Variants in ACAN observed in about 807,000 individuals in gnomAD.
The protein encoded by ACAN is aggrecan, also known as aggrecan core protein.
A neutral mutation model predicts 169.1 loss-of-function variants in ACAN; 47 were observed. The ratio of observed to expected loss-of-function variants is 0.28; its 90% CI spans 0.22 to 0.35. The LOEUF is 0.35. ACAN is among the 10% of genes least tolerant of loss of function. ACAN has a pLI of 1.00. For synonymous variants in ACAN, 1,115 were observed against 1,112.2 expected (o/e 1.00, Z -0.05); for missense variants, 2,716 against 2,759.9 (o/e 0.98, Z 0.36).
At position 88,847,977 on chromosome 15, in the gene ACAN, C is replaced by G; in HGVS notation, c.1671C>G (p.Thr557=). ...AGGACAGCAGCCCAGGGGTCAGGAC[C>G]TATGGCGTGCGCCCATCAACAGAGA... The part of the protein sequence containing the change: ...GDKDSSPGVR[T]YGVRPSTETY... Residue 557 remains threonine (T), a synonymous_variant, in exon 9 of 19, where the codon ACC becomes ACG. Transcript: ENST00000560601. 1 of 1,614,052 alleles carries G rather than the reference C, an allele frequency of 6.2e-7. No individual in the cohort carries two copies. Among genetic ancestry groups the G allele is most frequent in the Non-Finnish European group, 8.5e-7 (1 of 1,179,896 alleles).
rs779369587 is a variant in ACAN at position 88,857,831 on chromosome 15, C to T, written c.5246C>T (p.Thr1749Ile). ...PSGFPDTSGE[T>I]SGVTELSGLS... ...GGGTTTCCTGACACTAGTGGGGAAA[C>T]ATCTGGAGTGACTGAGCTTAGCGGG... is the stretch of plus-strand genomic sequence containing the variant. Residue 1749 changes from threonine to isoleucine, a missense_variant, in exon 12 of 19, where the codon ACA becomes ATA. Transcript: ENST00000560601. The T allele has an allele frequency of 4.3e-6, 7 of 1,613,920 alleles. No individual in the cohort carries two copies. Among genetic ancestry groups the T allele is most frequent in the Middle Eastern group, 1.6e-4 (1 of 6,062 alleles).
Position 88,874,648 on chromosome 15 carries a change from T to G in ACAN, c.*167T>G. Reference sequence around the variant, plus strand: ...ATTTGTGTATGCACCCACTCACCCCTCCAAATCAGCAAAACCGCATCTAAT... The same window carrying G: ...ATTTGTGTATGCACCCACTCACCCCGCCAAATCAGCAAAACCGCATCTAAT... On this transcript the variant is annotated 3_prime_UTR_variant, in exon 19 of 19. Coordinates refer to ENST00000560601, the MANE Select transcript of ACAN (RefSeq NM_001369268.1). The surrounding 1 kb of genome is among the most constrained non-coding windows in gnomAD (Gnocchi z 7.3). The G allele has an allele frequency of 1.4e-6, 1 of 724,776 alleles. No individual in the cohort carries two copies. The highest frequency in any genetic ancestry group is 2.4e-6 in the Non-Finnish European group (1 of 410,164). The allele number at this position is 724,776 out of a possible 1,614,324, so 44.9% of individuals were successfully genotyped here.
At chr15:88,830,763 C>T (rs1030757134) in intron 1 of ACAN, among the ~76,000 whole-genome samples, 18 of 152,238 alleles carry the variant, frequency 1.2e-4, no homozygotes, top group Admixed American at 2.0e-4. Context: ...TGAGTGAATG[C>T]GAAGGCCTAG....
chr15:88,872,346 G>A lies in ACAN; in HGVS notation c.7302+261G>A, dbSNP rs185158239. On this transcript the variant is annotated intron_variant, in intron 16 of 18. Coordinates refer to ENST00000560601, the MANE Select transcript of ACAN (RefSeq NM_001369268.1). The surrounding 1 kb of genome is among the most constrained non-coding windows in gnomAD (Gnocchi z 5.4). ...ACAGCCACCACCATGAGGAGTATAC[G>A]GAAGCTTTAGAGAGGTTTCTTGCCC... 4.7e-4 allele frequency among the ~76,000 whole-genome samples: 71 copies of A among 152,290 alleles called. No homozygotes were observed. Among genetic ancestry groups the A allele is most frequent in the African/African-American group, 1.5e-3 (63 of 41,564 alleles).
chr15:88,814,659 T>C lies in ACAN; in HGVS notation c.-8+10850T>C, dbSNP rs1382224987. On this transcript the variant is annotated intron_variant, in intron 1 of 18. Transcript: ENST00000560601. This position sits in a 1 kb window ranked among gnomAD's most constrained non-coding sequence, Gnocchi z 4.0. ...ATGGGAATAGCGACTCCTCGAGTTG[T>C]GCCAGTGTGCAGCCTTTGCAATTGA... is the stretch of plus-strand genomic sequence containing the variant. Among the ~76,000 whole-genome samples the C allele has an allele frequency of 2.0e-5, 3 of 152,210 alleles. No individual in the cohort carries two copies. The highest frequency in any genetic ancestry group is 7.2e-5 in the African/African-American group (3 of 41,454).
rs1356013661 is a variant in ACAN, at chr15:88,839,093, A to C, written c.454+47A>C. ...AGACGCTGCTTCACCCACATAAAGAACCAGAGCAGTCTCCGCAGTGCAGGC... is the reference window on the plus strand; with the variant it reads ...AGACGCTGCTTCACCCACATAAAGACCCAGAGCAGTCTCCGCAGTGCAGGC... On this transcript the variant is annotated intron_variant, in intron 3 of 18. Transcript: ENST00000560601. The surrounding 1 kb of genome is among the most constrained non-coding windows in gnomAD (Gnocchi z 4.5). The C allele has an allele frequency of 6.3e-7, 1 of 1,587,072 alleles. No homozygotes were observed.
Position 88,859,270 on chromosome 15 carries a change from C to A in ACAN, c.6685C>A (p.Pro2229Thr), listed in dbSNP as rs767382429. The A allele has an allele frequency of 6.2e-7, 1 of 1,613,862 alleles. No individual in the cohort carries two copies. Among genetic ancestry groups the A allele is most frequent in the Non-Finnish European group, 8.5e-7 (1 of 1,179,854 alleles). Residue 2229 changes from proline (P) to threonine (T), a missense_variant, in exon 12 of 19, where the codon CCT (proline) becomes ACT (threonine). By Grantham distance (38) the Pro-to-Thr change is conservative. Around this residue, in one of 3 missense-constraint regions of ACAN, gnomAD observed 1,389 missense variants for 1,363.7 expected, o/e 1.02. Transcript: ENST00000560601. ...TGAGTGGACCCAGCAGACCCAGCGC[C>A]CTGCAGAGACGCATCTAGAAATTGA... ...ESEWTQQTQRPAETHLEIESS... is the reference protein window; with the variant it reads ...ESEWTQQTQRTAETHLEIESS...
intron 1 of ACAN, among the ~76,000 whole-genome samples, chr15:88,828,066 A>C (rs549331109): frequency 2.6e-5 from 4 of 152,304 alleles, no homozygotes; most frequent in Non-Finnish European, 5.9e-5. Flanking sequence ...TCTGCTAATA[A>C]GTTGGTCATA....
rs1209770833 is a variant in ACAN, at chr15:88,855,072, A to G, written c.2487A>G (p.Pro829=). ...AGGAGCCATTCCCCTCCAAGGAGCC[A>G]TCCCCCTCAGAGGAACCATCAGCCT... ...PSEEPFPSKE[P]SPSEEPSASE... is the part of the protein sequence containing the mutation. The change falls in exon 12 of 19, where the codon CCA becomes CCG. Residue 829 remains proline, a synonymous_variant. Transcript: ENST00000560601. 3 of 1,583,494 alleles carry G rather than the reference A, an allele frequency of 1.9e-6. No homozygotes were observed. The South Asian group carries it at 3.5e-5, about 19-fold the overall frequency.
At position 88,871,770 on chromosome 15, in the gene ACAN, A is replaced by G. The variant is rs1324007739; in HGVS notation, c.7219+230A>G. 6.6e-6 allele frequency among the ~76,000 whole-genome samples: 1 copy of G among 152,202 alleles called. No individual in the cohort carries two copies. The highest frequency in any genetic ancestry group is 1.5e-5 in the Non-Finnish European group (1 of 68,042). ...ACCCATTGCCAGCCAGAGTCAGCCC[A>G]AGACTAAGCTATGGCTGTCACCCGT... On this transcript the variant is annotated intron_variant, in intron 15 of 18. Transcript: ENST00000560601. This position sits in a 1 kb window ranked among gnomAD's most constrained non-coding sequence, Gnocchi z 7.8.
At chr15:88,837,886 C>CTT (rs1555453564) in intron 2 of ACAN, among the ~76,000 whole-genome samples, 3 of 112,878 alleles carry the variant, frequency 2.7e-5, no homozygotes, top group African/African-American at 9.9e-5. Context: ...ATGAAAGGTG[C>CTT]TTTTTTTTTT....
rs1476876997 is a variant in ACAN at position 88,874,383 on chromosome 15, T to C, written c.7631-22T>C. 3 of 1,580,658 alleles carry C rather than the reference T, an allele frequency of 1.9e-6. No homozygotes were observed. The South Asian group carries it at 3.5e-5, about 18-fold the overall frequency. Reference sequence around the variant, plus strand: ...TTTCTTTCCAGGTCCACTGATATCTTTCCATCTCCCTTTCGTCCTAGCCAC... The same window carrying C: ...TTTCTTTCCAGGTCCACTGATATCTCTCCATCTCCCTTTCGTCCTAGCCAC... On this transcript the variant is annotated intron_variant, in intron 18 of 18. Transcript: ENST00000560601. The surrounding 1 kb of genome is among the most constrained non-coding windows in gnomAD (Gnocchi z 7.3).
chr15:88,867,769 A>T (rs1897303797), intron 13 of ACAN, among the ~76,000 whole-genome samples: 1 of 152,218 alleles, frequency 6.6e-6, no homozygotes, highest in Non-Finnish European at 1.5e-5. Context: ...GGAAGCCAGG[A>T]AAAGAAAGAC....
rs1567175916 is a variant in ACAN, at chr15:88,840,349, C to T, written c.629+163C>T. ...GTCACACCTTGGCCAAACAGCAGCTCAATGACCCATCCCAAACCCTTGTTA... is the reference window on the plus strand; with the variant it reads ...GTCACACCTTGGCCAAACAGCAGCTTAATGACCCATCCCAAACCCTTGTTA... On this transcript the variant is annotated intron_variant, in intron 4 of 18. Coordinates refer to ENST00000560601, the MANE Select transcript of ACAN (RefSeq NM_001369268.1). 2.6e-5 allele frequency among the ~76,000 whole-genome samples: 4 copies of T among 152,162 alleles called. No homozygotes were observed. The South Asian group carries it at 8.3e-4, about 32-fold the overall frequency.
chr15:88,831,776 A>C (rs145338638), intron 1 of ACAN, among the ~76,000 whole-genome samples: 2 of 152,308 alleles, frequency 1.3e-5, no homozygotes, highest in Non-Finnish European at 1.5e-5. Context: ...CTTGATGTTC[A>C]CTAAGGTCTC....
chr15:88,852,078 C>T, intron 11 of ACAN, 45 bp downstream of exon 11: 1 of 1,552,100 alleles, frequency 6.4e-7, no homozygotes, highest in East Asian at 2.4e-5. Context: ...AGCTGCATAC[C>T]CCTGTCTTCC....
In ACAN at chr15:88,858,626, T is replaced by A; in HGVS notation, c.6041T>A (p.Val2014Glu). The change falls in exon 12 of 19, where the codon GTA becomes GAA. Residue 2014 changes from valine (V) to glutamate (E), a missense_variant. Transcript: ENST00000560601. This position sits in a 1 kb window ranked among gnomAD's most constrained non-coding sequence, Gnocchi z 4.0. Reference sequence around the variant, plus strand: ...GGGGATTTTGCCAGCACCACCAATGTAAGTGGAGAATCCTCTGTAGCCATG... The same window carrying A: ...GGGGATTTTGCCAGCACCACCAATGAAAGTGGAGAATCCTCTGTAGCCATG... ...FSGDFASTTN[V>E]SGESSVAMGT... 6.2e-7 allele frequency: 1 copy of A among 1,613,928 alleles called. No individual in the cohort carries two copies. The highest frequency in any genetic ancestry group is 1.3e-5 in the African/African-American group (1 of 75,040).
Position 88,857,122 on chromosome 15 carries a change from G to A in ACAN, c.4537G>A (p.Glu1513Lys). 1 of 1,606,904 alleles carries A rather than the reference G, an allele frequency of 6.2e-7. No individual in the cohort carries two copies. Among genetic ancestry groups the A allele is most frequent in the Non-Finnish European group, 8.5e-7 (1 of 1,175,418 alleles). ...GGATGTCAGTGAACTTCCTTCAGGA[G>A]AAGGTCTAGAGACCTCTGCTTCTGG... is the stretch of plus-strand genomic sequence containing the variant. ...IEDVSELPSG[E>K]GLETSASGVE... is the part of the protein sequence containing the mutation. Residue 1513 changes from glutamate (E) to lysine (K), a missense_variant, in exon 12 of 19, where the codon GAA becomes AAA. By Grantham distance (56) the Glu-to-Lys change is moderately conservative (BLOSUM62 1). Transcript: ENST00000560601.
intron 1 of ACAN, among the ~76,000 whole-genome samples, chr15:88,822,628 G>C (rs892623004): frequency 1.3e-5 from 2 of 152,142 alleles, no homozygotes; most frequent in East Asian, 3.9e-4. Context: ...GTAGAGACGG[G>C]GTTTCTCCAT....
Sources: allele counts gnomAD v4.1 joint callset (sites outside exome capture counted in the v4.1 genomes callset), GRCh38; gene constraint gnomAD v4.1.1; regional missense constraint gnomAD v4.1.1; non-coding constraint Gnocchi (gnomAD v3.1); transcripts MANE v1.5; gene names NCBI Gene and HGNC (gene_info 2026-07-23, HGNC 2026-07-21).